The following SYMPK variants were observed in gnomAD, a reference collection of about 807,000 sequenced individuals.
The protein encoded by SYMPK is symplekin.
In SYMPK, 49 loss-of-function variants were observed where a neutral mutation model predicts 136.4. That is an observed-to-expected ratio of 0.36 (90% CI 0.29 to 0.46). SYMPK has a LOEUF of 0.46. Ranked by LOEUF, SYMPK falls within the 20% of genes least tolerant of loss-of-function variation. The probability of loss-of-function intolerance (pLI) is 1.00; values close to 1 mark genes in which losing one functional copy is unlikely to be tolerated. For synonymous variants in SYMPK, 766 were observed against 713.0 expected, an observed-to-expected ratio of 1.07 and a Z score of -1.19; for missense variants, 1,365 against 1,690.0, an observed-to-expected ratio of 0.81 and a Z score of 3.37.
intron 1 of SYMPK, among the ~76,000 whole-genome samples, chr19:45,859,156 C>T (rs1971901552): frequency 6.6e-6 from 1 of 152,176 alleles, no homozygotes; most frequent in Non-Finnish European, 1.5e-5. Flanking sequence ...CAATAAACAT[C>T]TGCTGAATGA....
intron 11 of SYMPK, among the ~76,000 whole-genome samples, chr19:45,834,326 G>C (rs1971251971): frequency 6.6e-6 from 1 of 152,046 alleles, no homozygotes; most frequent in African/African-American, 2.4e-5. Flanking sequence ...AGGCGTGGTG[G>C]CATGTGCCTG....
intron 17 of SYMPK, 108 bp downstream of exon 17, chr19:45,826,118 T>A: frequency 6.8e-7 from 1 of 1,480,864 alleles, no homozygotes; most frequent in Non-Finnish European, 9.1e-7. Flanking sequence ...GTCCTGCCCA[T>A]TCCCGTCACT....
Position 45,852,377 on chromosome 19 carries a change from G to A in SYMPK, c.234C>T (p.Ile78=), listed in dbSNP as rs188023108. Reference sequence around the variant, plus strand: ...CGATTGACTTGTCTGCTTGGAATGCGATGATCTCCTGCCAATGTTAGAGAG... The same window carrying A: ...CGATTGACTTGTCTGCTTGGAATGCAATGATCTCCTGCCAATGTTAGAGAG... ...TLLDNFLDEI[I]AFQADKSIEV... Residue 78 remains isoleucine (I), a synonymous_variant, in exon 5 of 27, where the codon ATC becomes ATT. Coordinates refer to ENST00000245934, the MANE Select transcript of SYMPK (RefSeq NM_004819.3). 5.3e-5 allele frequency: 86 copies of A among 1,614,192 alleles called. 1 individual carries two copies. The African/African-American group carries it at 8.4e-4, about 16-fold the overall frequency.
chr19:45,851,063 G>A (rs866123531), intron 5 of SYMPK, among the ~76,000 whole-genome samples: 37 of 152,214 alleles, frequency 2.4e-4, no homozygotes, highest in Middle Eastern at 6.8e-3. Context: ...AGATGAAGCC[G>A]AAGTGAGAGT....
At chr19:45,829,226 C>A (rs1236720608) in intron 13 of SYMPK, 21 bp from the exon 14 acceptor site, 1 of 1,607,210 alleles carries the variant, frequency 6.2e-7, no homozygotes, top group Non-Finnish European at 8.5e-7. Context: ...GGTGAGCCAG[C>A]ATGTCAGTGT....
chr19:45,855,654 G>A (rs1273368058), intron 1 of SYMPK: 2 of 152,080 alleles, frequency 1.3e-5, no homozygotes, highest in Middle Eastern at 3.2e-3. Context: ...GTGAAAACAA[G>A]CAAAGCTGAA....
chr19:45,827,407 A>C, intron 16 of SYMPK, 103 bp downstream of exon 16: 2 of 755,728 alleles, frequency 2.6e-6, no homozygotes, highest in Non-Finnish European at 4.6e-6. Flanking sequence ...GGCCCAGAGA[A>C]ACTTGCAAGG....
chr19:45,828,071 C>T, intron 14 of SYMPK, 153 bp from the exon 15 acceptor site: 1 of 646,520 alleles, frequency 1.5e-6, no homozygotes, highest in South Asian at 1.8e-5. Flanking sequence ...GTGAACAGAA[C>T]AGGGTTCAAA....
At position 45,832,426 on chromosome 19, in the gene SYMPK, G is replaced by C. The variant is rs929784110; in HGVS notation, c.1394-838C>G. Among the ~76,000 whole-genome samples, 11 of 152,248 alleles carry C rather than the reference G, an allele frequency of 7.2e-5. No individual in the cohort carries two copies. In the East Asian group the frequency reaches 2.1e-3, roughly 30 times the overall value. On this transcript the variant is annotated intron_variant, in intron 11 of 26. Transcript: ENST00000245934. Reference sequence around the variant, plus strand: ...CAAAGTGCTGGGACTACAGGTGTGAGCCACCACACCCAGCCTGTAGCAGTT... The same window carrying C: ...CAAAGTGCTGGGACTACAGGTGTGACCCACCACACCCAGCCTGTAGCAGTT...
intron 5 of SYMPK, among the ~76,000 whole-genome samples, chr19:45,851,546 C>G (rs963888773): frequency 6.6e-6 from 1 of 151,252 alleles, no homozygotes; most frequent in South Asian, 2.1e-4. Flanking sequence ...CCACTGTACT[C>G]CAGCCTGGAC....
At position 45,844,051 on chromosome 19, in the gene SYMPK, G is replaced by T; in HGVS notation, c.826C>A (p.Gln276Lys). 6.3e-7 allele frequency: 1 copy of T among 1,592,282 alleles called. No individual in the cohort carries two copies. The change falls in exon 8 of 27, where the codon CAG (glutamine) becomes AAG (lysine). Residue 276 changes from glutamine (Q) to lysine (K), a missense_variant. Around this residue, in one of 11 missense-constraint regions of SYMPK, gnomAD observed 237 missense variants for 292.9 expected, o/e 0.81. Coordinates refer to ENST00000245934, the MANE Select transcript of SYMPK (RefSeq NM_004819.3). ...QRPMFMSEVI[Q>K]AYETLHANLP... ...CTACCATGCAGAGTTTCATAGGCCTGGATCACCTCAGACATGAACATGGGT... is the reference window on the plus strand; with the variant it reads ...CTACCATGCAGAGTTTCATAGGCCTTGATCACCTCAGACATGAACATGGGT...
At chr19:45,848,038 A>G (rs910496867) in intron 6 of SYMPK, 37 bp from the exon 7 acceptor site, 2 of 1,547,712 alleles carry the variant, frequency 1.3e-6, no homozygotes, top group Non-Finnish European at 8.8e-7. Flanking sequence ...AGAGACACAC[A>G]AAGAGGTGAA....
At chr19:45,822,035 T>C (rs1256747508) in intron 21 of SYMPK, among the ~76,000 whole-genome samples, 1 of 152,002 alleles carries the variant, frequency 6.6e-6, no homozygotes, top group Non-Finnish European at 1.5e-5. Flanking sequence ...ACAGACATCC[T>C]CCATTTTTTC....
intron 5 of SYMPK, among the ~76,000 whole-genome samples, chr19:45,851,885 C>A (rs989648765): frequency 1.3e-5 from 2 of 151,438 alleles, no homozygotes; most frequent in African/African-American, 4.9e-5. Flanking sequence ...TCAAAACAAA[C>A]AAACAAACAA....
intron 8 of SYMPK, 37 bp from the exon 9 acceptor site, chr19:45,842,526 G>A: frequency 6.3e-7 from 1 of 1,591,566 alleles, no homozygotes. Flanking sequence ...TCTTGTGGAA[G>A]ATCTCATGGC....
Position 45,821,049 on chromosome 19 carries a change from G to A in SYMPK, c.2893+335C>T. On this transcript the variant is annotated intron_variant, in intron 22 of 26. Transcript: ENST00000245934. This position sits in a 1 kb window ranked among gnomAD's most constrained non-coding sequence, Gnocchi z 4.4. ...GCTGCGCCTCTACCACTCACGGTGT[G>A]CCCTGCTTCCTTCTGTTCCTCGGGG... The A allele has an allele frequency of 1.6e-6, 1 of 621,032 alleles. No individual in the cohort carries two copies. 38.5% of individuals were successfully genotyped at this position (621,032 alleles called of 1,614,324 possible).
chr19:45,859,750 TA>T (rs1018690012), intron 1 of SYMPK, among the ~76,000 whole-genome samples: 3 of 150,716 alleles, frequency 2.0e-5, no homozygotes, highest in Middle Eastern at 3.5e-3. Flanking sequence ...GCCTAAAAAC[TA>T]AAAAAGAAGG....
At chr19:45,847,547 A>G (rs1971593498) in intron 7 of SYMPK, among the ~76,000 whole-genome samples, 1 of 152,178 alleles carries the variant, frequency 6.6e-6, no homozygotes, top group African/African-American at 2.4e-5. Flanking sequence ...AAAGAAAATG[A>G]AGTACAGAGA....
chr19:45,818,652 T>C, intron 22 of SYMPK, among the ~76,000 whole-genome samples: 1 of 152,260 alleles, frequency 6.6e-6, no homozygotes, highest in Admixed American at 6.5e-5. Context: ...AGGGCTGTGT[T>C]GGGCATATGG....
Sources: allele counts gnomAD v4.1 joint callset (sites outside exome capture counted in the v4.1 genomes callset), GRCh38; gene constraint gnomAD v4.1.1; regional missense constraint gnomAD v4.1.1; non-coding constraint Gnocchi (gnomAD v3.1); transcripts MANE v1.5; gene names NCBI Gene and HGNC (gene_info 2026-07-23, HGNC 2026-07-21).